The following DIAPH1 variants were observed in gnomAD, a reference collection of about 807,000 sequenced individuals.
The protein encoded by DIAPH1 is protein diaphanous homolog 1.
Under a neutral mutation model 140.7 loss-of-function variants are expected in DIAPH1, and 46 were observed. The observed-to-expected ratio is 0.33, with a 90% CI of 0.26 to 0.42. The LOEUF is 0.42. DIAPH1 is among the 10% of genes least tolerant of loss of function. The probability of loss-of-function intolerance (pLI) is 1.00; values close to 1 mark genes in which losing one functional copy is unlikely to be tolerated. For synonymous variants in DIAPH1, 565 were observed against 551.6 expected (o/e 1.02, Z -0.34); for missense variants, 1,310 against 1,558.7 (o/e 0.84, Z 2.69).
intron 1 of DIAPH1, among the ~76,000 whole-genome samples, chr5:141,617,200 G>C (rs988769797): frequency 1.6e-4 from 25 of 151,844 alleles, no homozygotes; most frequent in South Asian, 4.2e-4. Context: ...AAGCTAACGG[G>C]GGGGAGGGGT....
rs1317577803 is a variant in DIAPH1, at chr5:141,577,600, G to C, written c.1164-9C>G. The C allele has an allele frequency of 3.2e-6, 5 of 1,557,016 alleles. No homozygotes were observed. The African/African-American group carries it at 4.1e-5, about 13-fold the overall frequency. On this transcript the variant is annotated splice_polypyrimidine_tract_variant and intron_variant, in intron 11 of 27. Transcript: ENST00000389054. ...AGACTTCATTAAAGTCAGTGGAAAA[G>C]GGAAATAGGCTAAGGAAAGCAAATA...
At chr5:141,587,502 C>G in intron 2 of DIAPH1, 1 of 389,116 alleles carries the variant, frequency 2.6e-6, no homozygotes, top group Non-Finnish European at 4.8e-6. Context: ...TGTAGTAGTA[C>G]GGAACTGAAA....
At chr5:141,539,173 A>C (rs1427890833) in intron 18 of DIAPH1, among the ~76,000 whole-genome samples, 2 of 151,930 alleles carry the variant, frequency 1.3e-5, no homozygotes, top group African/African-American at 4.8e-5. Context: ...GCTATTTGGG[A>C]GGCTGAGGCA....
chr5:141,618,542 C>T (rs1049486735), intron 1 of DIAPH1: 26 of 381,144 alleles, frequency 6.8e-5, no homozygotes, highest in Middle Eastern at 7.4e-4. Flanking sequence ...GATATGCGGG[C>T]GGGAGGGCAG....
Position 141,587,100 on chromosome 5 carries a change from G to T in DIAPH1, c.242C>A (p.Ala81Glu). The T allele has an allele frequency of 4.3e-6, 7 of 1,614,150 alleles. No homozygotes were observed. Among genetic ancestry groups the T allele is most frequent in the Non-Finnish European group, 5.1e-6 (6 of 1,179,996 alleles). Residue 81 changes from alanine to glutamate, a missense_variant, in exon 3 of 28, where the codon GCA becomes GAA. Ala to Glu is a moderately radical substitution (Grantham distance 107). Around this residue, in one of 3 missense-constraint regions of DIAPH1, gnomAD observed 377 missense variants for 497.1 expected, o/e 0.76. Transcript: ENST00000389054. ...SSASYGDDPT[A>E]QSLQDVSDEQ... is the part of the protein sequence containing the mutation. ...ATCTGAAACATCTTGCAATGACTGT[G>T]CTGTGGGATCATCCCCATATGATGC...
Position 141,554,555 on chromosome 5 carries a change from CATGTT to C in DIAPH1, c.2482+16868_2482+16872del, listed in dbSNP as rs1290570920. On this transcript the variant is annotated intron_variant, in intron 18 of 27. Transcript: ENST00000389054. ...AGAATAGAAGTATATTTTCTCAACTCATGTTGTGAGGCTAGCATAACTTCACTATC... is the reference window on the plus strand; with the variant it reads ...AGAATAGAAGTATATTTTCTCAACTCGTGAGGCTAGCATAACTTCACTATC... Among the ~76,000 whole-genome samples, 44 of 152,114 alleles carry C rather than the reference CATGTT, an allele frequency of 2.9e-4. 1 individual carries two copies. Among genetic ancestry groups the C allele is most frequent in the Admixed American group, 2.9e-3 (44 of 15,274 alleles).
chr5:141,526,892 T>C (rs2154594964), intron 24 of DIAPH1, among the ~76,000 whole-genome samples: 1 of 152,172 alleles, frequency 6.6e-6, no homozygotes, highest in East Asian at 1.9e-4. Context: ...AGAGATGGGG[T>C]TTCACCATGC....
intron 2 of DIAPH1, 28 bp from the exon 3 acceptor site, chr5:141,587,225 T>G (rs751904743): frequency 1.2e-6 from 2 of 1,611,648 alleles, no homozygotes; most frequent in South Asian, 2.2e-5. Context: ...GCATTAGCAG[T>G]GATCCATTTT....
chr5:141,601,292 AACT>A (rs1428891354), intron 1 of DIAPH1, among the ~76,000 whole-genome samples: 28 of 151,232 alleles, frequency 1.9e-4, no homozygotes, highest in African/African-American at 6.8e-4. Context: ...AAAAAAAAAG[AACT>A]ACTCCCTCTT....
chr5:141,595,150 G>C (rs978435474), intron 1 of DIAPH1, among the ~76,000 whole-genome samples: 4 of 152,166 alleles, frequency 2.6e-5, no homozygotes, highest in African/African-American at 9.7e-5. Flanking sequence ...GAGAACTGTG[G>C]TTGCCAAGGG....
Position 141,576,770 on chromosome 5 carries a change from A to G in DIAPH1, c.1382T>C (p.Ile461Thr), listed in dbSNP as rs759671442. 2.5e-5 allele frequency: 41 copies of G among 1,610,420 alleles called. No individual in the cohort carries two copies. Among genetic ancestry groups the G allele is most frequent in the Non-Finnish European group, 3.2e-5 (38 of 1,176,730 alleles). Residue 461 changes from isoleucine (I) to threonine (T), a missense_variant, in exon 13 of 28, where the codon ATT becomes ACT. By Grantham distance (89) the Ile-to-Thr change is moderately conservative (BLOSUM62 -1). Coordinates refer to ENST00000389054, the MANE Select transcript of DIAPH1 (RefSeq NM_005219.5). ...DFKCRHLQIEIEGLIDQMIDK... is the reference protein window; with the variant it reads ...DFKCRHLQIETEGLIDQMIDK... ...AGTATGCTTACCAATTAATCCCTCA[A>G]TCTCAATCTGGAGGTGCCGGCACTT... is the stretch of plus-strand genomic sequence containing the variant.
chr5:141,585,804 T>G (rs1219810617), intron 3 of DIAPH1, among the ~76,000 whole-genome samples: 1 of 152,192 alleles, frequency 6.6e-6, no homozygotes, highest in Non-Finnish European at 1.5e-5. Flanking sequence ...GGGAAACCTA[T>G]AGTTTAAATG....
chr5:141,599,994 T>A (rs546370825), intron 1 of DIAPH1, among the ~76,000 whole-genome samples: 29 of 152,242 alleles, frequency 1.9e-4, no homozygotes, highest in Admixed American at 1.5e-3. Flanking sequence ...TCCCAAGTAG[T>A]GGGGCCTACA....
intron 1 of DIAPH1, among the ~76,000 whole-genome samples, chr5:141,617,272 G>A (rs1363259829): frequency 6.7e-6 from 1 of 150,208 alleles, no homozygotes; most frequent in African/African-American, 2.5e-5. Flanking sequence ...AGGAGGGGGT[G>A]TCAATACCCT....
In DIAPH1 at chr5:141,540,489, C is replaced by T. The variant is rs928380963; in HGVS notation, c.2483-6056G>A. On this transcript the variant is annotated intron_variant, in intron 18 of 27. Transcript: ENST00000389054. ...TAGAGACGGGGTTCCATCATACTGG[C>T]CAGGCTGGTCTCGAACTCCTGACCT... 3.3e-5 allele frequency among the ~76,000 whole-genome samples: 5 copies of T among 151,942 alleles called. No individual in the cohort carries two copies. In the East Asian group the frequency reaches 9.9e-4, roughly 30 times the overall value.
rs2099889179 is a variant in DIAPH1 at position 141,537,307 on chromosome 5, A to C, written c.2483-2874T>G. 2.0e-5 allele frequency among the ~76,000 whole-genome samples: 3 copies of C among 151,878 alleles called. No homozygotes were observed. The South Asian group carries it at 6.2e-4, about 32-fold the overall frequency. The stretch of plus-strand genomic sequence containing the variant: ...GAGACCAGCCTGACCAACATGAAGA[A>C]ACCCTGTCTCTACTAAAAATACAAA... On this transcript the variant is annotated intron_variant, in intron 18 of 27. Transcript: ENST00000389054.
chr5:141,562,969 A>G (rs2099893825), intron 18 of DIAPH1: 1 of 152,094 alleles, frequency 6.6e-6, no homozygotes, highest in African/African-American at 2.4e-5. Context: ...ATGTCTACCA[A>G]CTCCAGGTCT....
chr5:141,573,861 G>T lies in DIAPH1; in HGVS notation c.1989C>A (p.Ile663=). 1 of 1,531,394 alleles carries T rather than the reference G, an allele frequency of 6.5e-7. No homozygotes were observed. Among genetic ancestry groups the T allele is most frequent in the Non-Finnish European group, 8.8e-7 (1 of 1,137,510 alleles). The allele number at this position is 1,531,394 out of a possible 1,614,324, so 94.9% of individuals were successfully genotyped here. The change falls in exon 16 of 28, where the codon ATC becomes ATA. Residue 663 remains isoleucine, a synonymous_variant. Transcript: ENST00000389054. ...PPPPLPEGVG[I]PSPSSLPGGT... is the part of the protein sequence containing the mutation. ...CTCCAGGCAAAGAAGAGGGTGAAGG[G>T]ATGCCAACACCCTCAGGCAAAGGAG...
At chr5:141,575,266 T>C in intron 14 of DIAPH1, 120 bp from the exon 15 acceptor site, 4 of 964,372 alleles carry the variant, frequency 4.1e-6, no homozygotes, top group Middle Eastern at 4.1e-4. Flanking sequence ...ATCCCCCCAC[T>C]GCCTCCTGTT....
Sources: gnomAD v4.1 joint callset for allele counts (sites outside exome capture counted in the v4.1 genomes callset) on GRCh38, gnomAD v4.1.1 for gene constraint, gnomAD v4.1.1 regional missense constraint, MANE v1.5 for transcripts, NCBI Gene and HGNC (gene_info 2026-07-23, HGNC 2026-07-21) for gene names.